The following NECTIN1 variants were observed in gnomAD, a reference collection of about 807,000 sequenced individuals.
NECTIN1 encodes nectin-1.
In NECTIN1, 23 loss-of-function variants were observed where a neutral mutation model predicts 48.0. The observed-to-expected ratio is 0.48, with a 90% CI of 0.34 to 0.68. The LOEUF is 0.68. NECTIN1 is among the 30% of genes least tolerant of loss of function. The pLI, the probability that NECTIN1 is intolerant of heterozygous loss-of-function variation, is 0.01. For synonymous variants in NECTIN1, 270 were observed against 288.9 expected (o/e 0.93, Z 0.66); for missense variants, 591 against 709.9 (o/e 0.83, Z 1.90).
At chr11:119,706,623 T>C (rs901482333) in intron 1 of NECTIN1, among the ~76,000 whole-genome samples, 3 of 152,222 alleles carry the variant, frequency 2.0e-5, no homozygotes, top group East Asian at 1.9e-4. Context: ...CGGCATGATA[T>C]TGCCCCCACC....
intron 5 of NECTIN1, chr11:119,642,574 A>G (rs1864342534): frequency 6.5e-6 from 1 of 153,634 alleles, no homozygotes; most frequent in South Asian, 2.1e-4. Context: ...CTTTGCCAAG[A>G]GAGGGTGGCA....
At chr11:119,708,666 T>G (rs920984818) in intron 1 of NECTIN1, among the ~76,000 whole-genome samples, 11 of 151,768 alleles carry the variant, frequency 7.2e-5, no homozygotes, top group African/African-American at 2.7e-4. Context: ...CTTTCCGAGG[T>G]GATGAAAATG....
intron 1 of NECTIN1, among the ~76,000 whole-genome samples, chr11:119,718,455 A>G (rs1010604719): frequency 2.0e-5 from 3 of 151,236 alleles, no homozygotes; most frequent in Non-Finnish European, 4.4e-5. Context: ...CCCCATCCAC[A>G]CTCCCTAGTA....
chr11:119,666,530 T>G (rs927534506), intron 5 of NECTIN1, among the ~76,000 whole-genome samples: 1 of 152,146 alleles, frequency 6.6e-6, no homozygotes, highest in African/African-American at 2.4e-5. Flanking sequence ...GGCCCTAAGG[T>G]GAGGCTAAGG....
chr11:119,638,718 G>C (rs1193216756), intron 7 of NECTIN1: 2 of 1,611,760 alleles, frequency 1.2e-6, no homozygotes, highest in Non-Finnish European at 1.7e-6. Flanking sequence ...GTCCTCTGCT[G>C]CCTCAGGCCC....
chr11:119,668,371 C>G (rs1198459810), intron 5 of NECTIN1, among the ~76,000 whole-genome samples: 1 of 152,248 alleles, frequency 6.6e-6, no homozygotes, highest in African/African-American at 2.4e-5. Flanking sequence ...GTAGACACAA[C>G]CACTCGCTTT....
At chr11:119,658,848 T>G (rs528717604), downstream of NECTIN1, among the ~76,000 whole-genome samples, 70 of 152,302 alleles carry the variant, frequency 4.6e-4, no homozygotes, top group African/African-American at 1.6e-3. Flanking sequence ...GCTCTCAGGA[T>G]GTGGCTGTGC....
chr11:119,671,486 G>A (rs560313916), intron 5 of NECTIN1, among the ~76,000 whole-genome samples: 103 of 152,278 alleles, frequency 6.8e-4, no homozygotes, highest in Non-Finnish European at 7.2e-4. Flanking sequence ...GTGGGCTGGT[G>A]CTGGGGGCTT....
chr11:119,680,746 C>T (rs1865046077), intron 1 of NECTIN1, among the ~76,000 whole-genome samples: 1 of 152,242 alleles, frequency 6.6e-6, no homozygotes, highest in Non-Finnish European at 1.5e-5. Context: ...TGTGCTGATT[C>T]ACATCCACAC....
intron 5 of NECTIN1, among the ~76,000 whole-genome samples, chr11:119,674,900 T>A (rs1195461110): frequency 6.6e-6 from 1 of 152,188 alleles, no homozygotes; most frequent in Admixed American, 6.5e-5. Context: ...AGCATTGCTG[T>A]AAACAGCACT....
At chr11:119,699,194 C>T (rs937401586) in intron 1 of NECTIN1, among the ~76,000 whole-genome samples, 3 of 152,144 alleles carry the variant, frequency 2.0e-5, no homozygotes, top group Non-Finnish European at 4.4e-5. Flanking sequence ...TGGTAGGTAC[C>T]AGCACAGGCC....
chr11:119,665,028 C>T lies in NECTIN1; in HGVS notation c.1273G>A (p.Glu425Lys), dbSNP rs753939503. ...NLQYPDDSDD[E>K]KKAGPLGGSS... ...CCACCCAGTGGGCCGGCCTTCTTCT[C>T]GTCGTCTGAGTCGTCGGGGTACTGC... The change falls in exon 6 of 6, where the codon GAG becomes AAG. Residue 425 changes from glutamate (E) to lysine (K), a missense_variant. Transcript: ENST00000264025. This position sits in a 1 kb window ranked among gnomAD's most constrained non-coding sequence, Gnocchi z 5.1. The T allele has an allele frequency of 5.6e-6, 9 of 1,613,840 alleles. No homozygotes were observed. Among genetic ancestry groups the T allele is most frequent in the East Asian group, 4.5e-5 (2 of 44,872 alleles).
chr11:119,715,012 T>A (rs914006147), intron 1 of NECTIN1, among the ~76,000 whole-genome samples: 4 of 151,786 alleles, frequency 2.6e-5, no homozygotes, highest in Non-Finnish European at 5.9e-5. Flanking sequence ...ATGAGCTCCA[T>A]GCGATTCCAA....
intron 5 of NECTIN1, chr11:119,641,754 A>C (rs1001588603): frequency 6.8e-6 from 1 of 146,560 alleles, no homozygotes. Context: ...ACGGAGTCTC[A>C]CTCTGTCGCC....
exon 7 of NECTIN1, chr11:119,638,799 G>T (rs1185451163): frequency 6.2e-7 from 1 of 1,613,768 alleles, no homozygotes; most frequent in East Asian, 2.2e-5. Flanking sequence ...GAGAGGGGCT[G>T]GTCGGTCCTG....
intron 1 of NECTIN1, among the ~76,000 whole-genome samples, chr11:119,717,967 C>T (rs762869842): frequency 1.2e-4 from 19 of 152,228 alleles, no homozygotes; most frequent in African/African-American, 4.6e-4. Context: ...ACAGAGGCCG[C>T]GCGGTAATTC....
chr11:119,691,838 G>A (rs932474553), intron 1 of NECTIN1, among the ~76,000 whole-genome samples: 2 of 152,136 alleles, frequency 1.3e-5, no homozygotes, highest in Admixed American at 1.3e-4. Flanking sequence ...TGCCTGGCCT[G>A]CCCTGCTCCC....
chr11:119,689,390 G>A (rs552880540), intron 1 of NECTIN1, among the ~76,000 whole-genome samples: 39 of 152,122 alleles, frequency 2.6e-4, no homozygotes, highest in Non-Finnish European at 4.7e-4. Flanking sequence ...CCTTGAGCCC[G>A]TCCCACCCAG....
chr11:119,671,902 C>T (rs528927689), intron 5 of NECTIN1, among the ~76,000 whole-genome samples: 2 of 152,362 alleles, frequency 1.3e-5, no homozygotes, highest in Admixed American at 6.5e-5. Flanking sequence ...CACGTTGCCA[C>T]GGCACAGCCA....
Sources: allele counts gnomAD v4.1 joint callset (sites outside exome capture counted in the v4.1 genomes callset), GRCh38; gene constraint gnomAD v4.1.1; non-coding constraint Gnocchi (gnomAD v3.1); transcripts MANE v1.5; gene names NCBI Gene and HGNC (gene_info 2026-07-23, HGNC 2026-07-21).